The following HIVEP1 variants were observed in gnomAD, a reference collection of about 807,000 sequenced individuals.
HIVEP1 encodes zinc finger protein 40.
A neutral mutation model predicts 180.0 loss-of-function variants in HIVEP1; 36 were observed. The ratio of observed to expected loss-of-function variants is 0.20; its 90% confidence interval spans 0.15 to 0.26. HIVEP1 has a LOEUF of 0.26. HIVEP1 is among the 10% of genes least tolerant of loss of function. The pLI is 1.00. For synonymous variants in HIVEP1, 1,239 were observed against 1,239.0 expected, an observed-to-expected ratio of 1.00 and a Z score of 0.00; for missense variants, 3,143 against 3,268.7, an observed-to-expected ratio of 0.96 and a Z score of 0.94.
chr6:12,176,521 C>A, the HIVEP1 span, among the ~76,000 whole-genome samples: 5 of 152,110 alleles, frequency 3.3e-5, no homozygotes, highest in African/African-American at 1.2e-4. Flanking sequence ...CGTGAGCCAC[C>A]GTGCCCGGCC....
intron 3 of HIVEP1, 71 bp from the exon 4 acceptor site, chr6:12,119,819 A>C: frequency 9.9e-7 from 1 of 1,014,678 alleles, no homozygotes; most frequent in Non-Finnish European, 1.4e-6. Flanking sequence ...AGTAATCTTA[A>C]TTTTCAAAAA....
At chr6:12,028,142 AC>A (rs1359695049) in intron 2 of HIVEP1, among the ~76,000 whole-genome samples, 2 of 151,478 alleles carry the variant, frequency 1.3e-5, no homozygotes, top group African/African-American at 4.8e-5. Flanking sequence ...AGAATCGGTA[AC>A]TGTTAACATG....
At chr6:12,156,218 A>C (rs551782723) in intron 7 of HIVEP1, among the ~76,000 whole-genome samples, 1 of 152,244 alleles carries the variant, frequency 6.6e-6, no homozygotes, top group East Asian at 1.9e-4. Context: ...CTCTGATGAT[A>C]GTTCCTTTTG....
Position 12,123,491 on chromosome 6 carries a change from C to G in HIVEP1, c.3696C>G (p.Ile1232Met). The G allele has an allele frequency of 6.2e-7, 1 of 1,614,094 alleles. No individual in the cohort carries two copies. Among genetic ancestry groups the G allele is most frequent in the Non-Finnish European group, 8.5e-7 (1 of 1,180,020 alleles). The change falls in exon 4 of 9, where the codon ATC becomes ATG. Residue 1232 changes from isoleucine to methionine, a missense_variant. Around this residue, in one of 12 missense-constraint regions of HIVEP1, gnomAD observed 1,357 missense variants for 1,260.5 expected, o/e 1.08. Transcript: ENST00000379388. ...QPSRLVRQHN[I>M]QVPEILVTEE... ...CAAGACTTGTCCGGCAGCACAACAT[C>G]CAAGTTCCAGAGATTTTGGTCACAG...
At chr6:12,201,701 T>C in the HIVEP1 span, among the ~76,000 whole-genome samples, 1 of 152,240 alleles carries the variant, frequency 6.6e-6, no homozygotes. Context: ...TTGTATACTC[T>C]CAGATTTATT....
chr6:12,139,536 G>A (rs1436369155), intron 7 of HIVEP1, among the ~76,000 whole-genome samples: 1 of 152,206 alleles, frequency 6.6e-6, no homozygotes, highest in Non-Finnish European at 1.5e-5. Context: ...GCAAGGCATC[G>A]CCTCACCCAG....
chr6:12,202,688 A>T, the HIVEP1 span, among the ~76,000 whole-genome samples: 287 of 152,212 alleles, frequency 1.9e-3, no homozygotes, highest in African/African-American at 6.4e-3. Context: ...AAGAATGCAA[A>T]TTCATTTTGA....
At chr6:12,139,327 C>A (rs957983646) in intron 7 of HIVEP1, among the ~76,000 whole-genome samples, 1 of 152,192 alleles carries the variant, frequency 6.6e-6, no homozygotes, top group Non-Finnish European at 1.5e-5. Flanking sequence ...GGACTTTGCA[C>A]TCCTTTCCTC....
chr6:12,050,053 T>A (rs763178462), intron 2 of HIVEP1, among the ~76,000 whole-genome samples: 1 of 152,134 alleles, frequency 6.6e-6, no homozygotes, highest in East Asian at 1.9e-4. Context: ...AGACAAAGCC[T>A]CCTATCTGAT....
chr6:12,152,889 A>T (rs534958827), intron 7 of HIVEP1, among the ~76,000 whole-genome samples: 1 of 152,324 alleles, frequency 6.6e-6, no homozygotes, highest in East Asian at 1.9e-4. Flanking sequence ...ATCAAGGCAA[A>T]ATCAGATTAA....
intron 2 of HIVEP1, among the ~76,000 whole-genome samples, chr6:12,041,408 CGAG>C (rs1769702103): frequency 2.7e-5 from 3 of 110,614 alleles, no homozygotes; most frequent in Non-Finnish European, 5.1e-5. Flanking sequence ...GGCGACAGAG[CGAG>C]ACTCCGTCTA....
At chr6:12,159,810 T>C (rs542045245) in intron 7 of HIVEP1, among the ~76,000 whole-genome samples, 1 of 152,360 alleles carries the variant, frequency 6.6e-6, no homozygotes, top group East Asian at 1.9e-4. Flanking sequence ...AATGCATGTT[T>C]CATCTTAGAG....
downstream of HIVEP1, chr6:12,165,014 G>A: frequency 2.5e-6 from 1 of 403,654 alleles, no homozygotes; most frequent in Non-Finnish European, 4.8e-6. Flanking sequence ...TGCTTCAGTT[G>A]TGCCTTCTTT....
At chr6:12,127,580 A>G (rs1243261454) in intron 4 of HIVEP1, among the ~76,000 whole-genome samples, 1 of 152,150 alleles carries the variant, frequency 6.6e-6, no homozygotes, top group Non-Finnish European at 1.5e-5. Context: ...TAGAGTAGAG[A>G]TTCTTTTGTG....
At chr6:12,108,630 G>A (rs1774645387) in intron 3 of HIVEP1, among the ~76,000 whole-genome samples, 1 of 152,248 alleles carries the variant, frequency 6.6e-6, no homozygotes, top group Non-Finnish European at 1.5e-5. Flanking sequence ...CCGCTGGCCT[G>A]GGTGCTAAGC....
At chr6:12,179,923 T>C in the HIVEP1 span, among the ~76,000 whole-genome samples, 1 of 152,114 alleles carries the variant, frequency 6.6e-6, no homozygotes, top group South Asian at 2.1e-4. Flanking sequence ...AATTAAGATA[T>C]AAAACATGAG....
At chr6:12,050,361 G>A (rs1454602402) in intron 2 of HIVEP1, among the ~76,000 whole-genome samples, 2 of 152,110 alleles carry the variant, frequency 1.3e-5, no homozygotes, top group East Asian at 1.9e-4. Context: ...CAAGACGGGC[G>A]GATCATGAGG....
chr6:12,042,381 G>GA (rs1769827933), intron 2 of HIVEP1, among the ~76,000 whole-genome samples: 1 of 89,186 alleles, frequency 1.1e-5, no homozygotes, highest in East Asian at 3.7e-4. Flanking sequence ...GCACCCGGCC[G>GA]CTTTTTTTTT....
Position 12,130,897 on chromosome 6 carries a change from C to G in HIVEP1, c.6340C>G (p.Arg2114Gly). Residue 2114 changes from arginine (R) to glycine (G), a missense_variant, in exon 6 of 9, where the codon CGC (arginine) becomes GGC (glycine). Physicochemically the swap from Arg to Gly is moderately radical, Grantham distance 125. Coordinates refer to ENST00000379388, the MANE Select transcript of HIVEP1 (RefSeq NM_002114.4). ...ACACATACGAACCCATACAGATGTC[C>G]GCCCCTACCACTGCACTTACTGTAA... ...KKHIRTHTDV[R>G]PYHCTYCNFS... 1 of 1,612,560 alleles carries G rather than the reference C, an allele frequency of 6.2e-7. No individual in the cohort carries two copies. Among genetic ancestry groups the G allele is most frequent in the Non-Finnish European group, 8.5e-7 (1 of 1,178,842 alleles).
Sources: allele counts gnomAD v4.1 joint callset (sites outside exome capture counted in the v4.1 genomes callset), GRCh38; gene constraint gnomAD v4.1.1; regional missense constraint gnomAD v4.1.1; transcripts MANE v1.5; gene names NCBI Gene and HGNC (gene_info 2026-07-23, HGNC 2026-07-21).